GABRB2: variants seen among roughly 807,000 people sequenced by gnomAD.
GABRB2 encodes gamma-aminobutyric acid type A receptor subunit beta2, also known as gamma-aminobutyric acid receptor subunit beta-2.
A neutral mutation model predicts 54.7 loss-of-function variants in GABRB2; 16 were observed. The ratio of observed to expected loss-of-function variants is 0.29; its 90% confidence interval spans 0.20 to 0.44. The LOEUF (loss-of-function observed/expected upper bound fraction) is 0.44, where lower values mean the gene tolerates loss of function less well. Ranked by LOEUF, GABRB2 falls within the 20% of genes least tolerant of loss-of-function variation. The pLI is 1.00. For synonymous variants in GABRB2, 244 were observed against 233.8 expected (o/e 1.04, Z -0.40); for missense variants, 355 against 644.0 (o/e 0.55, Z 4.86).
chr5:161,449,226 T>A (rs1375020669), intron 4 of GABRB2, among the ~76,000 whole-genome samples: 1 of 152,188 alleles, frequency 6.6e-6, no homozygotes, highest in Non-Finnish European at 1.5e-5. Flanking sequence ...ATTAGCAAGT[T>A]ACTTATTCCC....
chr5:161,401,711 T>C (rs1756197113), intron 5 of GABRB2, among the ~76,000 whole-genome samples: 1 of 152,232 alleles, frequency 6.6e-6, no homozygotes, highest in African/African-American at 2.4e-5. Context: ...GAAATGATAC[T>C]ATAAAACATT....
At chr5:161,423,603 A>ATGTTTGT (rs949428317) in intron 4 of GABRB2, among the ~76,000 whole-genome samples, 2 of 152,124 alleles carry the variant, frequency 1.3e-5, no homozygotes, top group African/African-American at 4.8e-5. Flanking sequence ...ACTTAATAGA[A>ATGTTTGT]TGTTTGTTTT....
intron 3 of GABRB2, among the ~76,000 whole-genome samples, chr5:161,526,856 C>T (rs1270877744): frequency 6.6e-6 from 1 of 151,124 alleles, no homozygotes; most frequent in African/African-American, 2.4e-5. Context: ...AAAATTTTAC[C>T]GAAGAACATA....
chr5:161,399,474 A>G (rs530630457), intron 5 of GABRB2, among the ~76,000 whole-genome samples: 1 of 152,322 alleles, frequency 6.6e-6, no homozygotes, highest in South Asian at 2.1e-4. Context: ...TACAGACTAC[A>G]TGAGAAGCAC....
chr5:161,508,351 G>T (rs982104898), intron 3 of GABRB2, among the ~76,000 whole-genome samples: 7 of 148,858 alleles, frequency 4.7e-5, no homozygotes, highest in African/African-American at 1.7e-4. Flanking sequence ...AGATGGAGAG[G>T]CAAGTGATAA....
chr5:161,474,885 G>A (rs571757580), intron 3 of GABRB2, among the ~76,000 whole-genome samples: 1 of 151,894 alleles, frequency 6.6e-6, no homozygotes, highest in East Asian at 1.9e-4. Flanking sequence ...TATATCCCTA[G>A]GCCAATACTA....
intron 9 of GABRB2, among the ~76,000 whole-genome samples, chr5:161,305,947 C>T (rs1757679576): frequency 6.6e-6 from 1 of 152,238 alleles, no homozygotes; most frequent in Non-Finnish European, 1.5e-5. Flanking sequence ...GACAGCCATA[C>T]TCCTTTCCCC....
At position 161,290,537 on chromosome 5, in the gene GABRB2, A is replaced by G. The variant is rs1030905902; in HGVS notation, c.*3544T>C. The stretch of plus-strand genomic sequence containing the variant: ...ATGTTGATTTTTGTTTGCCAAATTA[A>G]AAATACTCATATACTGGTTTAATGA... On this transcript the variant is annotated 3_prime_UTR_variant, in exon 10 of 10. Transcript: ENST00000393959. The G allele has an allele frequency of 2.6e-5, 4 of 152,588 alleles. No homozygotes were observed. The highest frequency in any genetic ancestry group is 5.9e-5 in the Non-Finnish European group (4 of 68,012). 9.5% of individuals were successfully genotyped at this position (152,588 alleles called of 1,614,324 possible). A position where few individuals can be genotyped will look rare whatever the true frequency, so the allele number is the denominator to read the frequency against.
At chr5:161,516,413 G>A (rs1028447391) in intron 3 of GABRB2, among the ~76,000 whole-genome samples, 16 of 152,076 alleles carry the variant, frequency 1.1e-4, no homozygotes, top group African/African-American at 3.9e-4. Flanking sequence ...CTCAGGATGG[G>A]TGAATGAGTG....
intron 7 of GABRB2, 66 bp downstream of exon 7, chr5:161,334,686 C>T (rs1561612000): frequency 8.5e-6 from 13 of 1,532,358 alleles, no homozygotes; most frequent in African/African-American, 1.4e-5. Flanking sequence ...AAGGAAAACG[C>T]GTGCATGCGA....
chr5:161,346,616 C>T (rs1031387042), intron 5 of GABRB2, among the ~76,000 whole-genome samples: 2 of 152,046 alleles, frequency 1.3e-5, no homozygotes, highest in Non-Finnish European at 2.9e-5. Flanking sequence ...TGAAGACTTG[C>T]TTATTTAAGG....
Position 161,308,335 on chromosome 5 carries a change from G to A in GABRB2, c.1192-13907C>T, listed in dbSNP as rs565491399. 5.3e-5 allele frequency among the ~76,000 whole-genome samples: 8 copies of A among 152,244 alleles called. No homozygotes were observed. The South Asian group carries it at 1.4e-3, about 28-fold the overall frequency. ...CCAAAGATTGGTTCAGGAATGGGAAGGACTACATCAATTGAGCCAATGAAA... is the reference window on the plus strand; with the variant it reads ...CCAAAGATTGGTTCAGGAATGGGAAAGACTACATCAATTGAGCCAATGAAA... On this transcript the variant is annotated intron_variant, in intron 9 of 9. Coordinates refer to ENST00000393959, the MANE Select transcript of GABRB2 (RefSeq NM_001371727.1).
chr5:161,294,689 G>A (rs1329079918), intron 9 of GABRB2, among the ~76,000 whole-genome samples: 1 of 152,180 alleles, frequency 6.6e-6, no homozygotes, highest in East Asian at 1.9e-4. Flanking sequence ...ACTGTTGCTA[G>A]TATCATTTTC....
At chr5:161,546,798 T>G, upstream of GABRB2, 3 of 1,407,060 alleles carry the variant, frequency 2.1e-6, no homozygotes, top group Admixed American at 3.0e-5. Context: ...CAGATTTCCT[T>G]GTTTAAAAAA....
At chr5:161,367,501 T>C (rs200596282) in intron 5 of GABRB2, among the ~76,000 whole-genome samples, 1 of 104,722 alleles carries the variant, frequency 9.5e-6, no homozygotes, top group African/African-American at 5.9e-5. Flanking sequence ...AGTTAACGTA[T>C]TTTTTTTCTC....
chr5:161,375,822 G>A (rs977096219), intron 5 of GABRB2, among the ~76,000 whole-genome samples: 12 of 152,116 alleles, frequency 7.9e-5, no homozygotes, highest in African/African-American at 2.9e-4. Flanking sequence ...TGTCAATAAT[G>A]ATGAAGAAGA....
At chr5:161,517,225 T>A (rs1428520040) in intron 3 of GABRB2, among the ~76,000 whole-genome samples, 1 of 152,152 alleles carries the variant, frequency 6.6e-6, no homozygotes, top group Non-Finnish European at 1.5e-5. Context: ...ATATCTTACA[T>A]CATTCTGGGA....
At chr5:161,491,345 T>C (rs1759087910) in intron 3 of GABRB2, among the ~76,000 whole-genome samples, 1 of 151,670 alleles carries the variant, frequency 6.6e-6, no homozygotes. Flanking sequence ...GCACTTACCA[T>C]TAGTTAGCGT....
chr5:161,341,748 A>AT (rs1754163759), intron 5 of GABRB2, among the ~76,000 whole-genome samples: 1 of 151,012 alleles, frequency 6.6e-6, no homozygotes, highest in Non-Finnish European at 1.5e-5. Context: ...ATTATATAAC[A>AT]TGGCATTTTA....
Sources: allele counts gnomAD v4.1 joint callset (sites outside exome capture counted in the v4.1 genomes callset), GRCh38; gene constraint gnomAD v4.1.1; transcripts MANE v1.5; gene names NCBI Gene and HGNC (gene_info 2026-07-23, HGNC 2026-07-21).